Variants in TEAD1 observed in about 807,000 individuals in gnomAD.
TEAD1 encodes transcriptional enhancer factor TEF-1.
In TEAD1, 9 loss-of-function variants were observed where a neutral mutation model predicts 54.9. The ratio of observed to expected loss-of-function variants is 0.16; its 90% CI spans 0.10 to 0.29. The LOEUF (loss-of-function observed/expected upper bound fraction) is 0.29. TEAD1 is among the 10% of genes least tolerant of loss of function. The pLI, the probability that TEAD1 is intolerant of heterozygous loss-of-function variation, is 1.00. For synonymous variants in TEAD1, 200 were observed against 187.8 expected (o/e 1.07, Z -0.53); for missense variants, 387 against 535.9 (o/e 0.72, Z 2.74).
At chr11:12,842,441 C>T (rs935333315) in intron 3 of TEAD1, among the ~76,000 whole-genome samples, 3 of 152,166 alleles carry the variant, frequency 2.0e-5, no homozygotes, top group Non-Finnish European at 2.9e-5. Context: ...TCTGTTGCCA[C>T]GGAAACCACA....
At chr11:12,764,557 T>C in intron 3 of TEAD1, 123 bp downstream of exon 3, 4 of 1,198,012 alleles carry the variant, frequency 3.3e-6, no homozygotes, top group Non-Finnish European at 3.6e-6. Context: ...TTGTAGAATT[T>C]TAGTGGGTCA....
chr11:12,759,125 A>G (rs1225185243), intron 2 of TEAD1, among the ~76,000 whole-genome samples: 1 of 152,146 alleles, frequency 6.6e-6, no homozygotes, highest in Admixed American at 6.5e-5. Context: ...CTTTTACTTA[A>G]GAGCCTTTAA....
At chr11:12,904,238 AGAGTACACATT>A (rs1255308322) in intron 10 of TEAD1, among the ~76,000 whole-genome samples, 3 of 149,922 alleles carry the variant, frequency 2.0e-5, no homozygotes. Context: ...ATTACAACCT[AGAGTACACATT>A]GAAAGTGAAC....
intron 3 of TEAD1, among the ~76,000 whole-genome samples, chr11:12,793,399 T>C (rs1412637538): frequency 6.6e-6 from 1 of 152,218 alleles, no homozygotes; most frequent in Non-Finnish European, 1.5e-5. Context: ...GCTGGATATT[T>C]AGGTTTTTAA....
chr11:12,840,252 AAAAAAAAAAAG>A (rs57849755), intron 3 of TEAD1, among the ~76,000 whole-genome samples: 63,373 of 113,472 alleles, frequency 0.56, 18,573 homozygotes, highest in East Asian at 0.79. Flanking sequence ...GCCTCAAAAA[AAAAAAAAAAAG>A]AAAAAAAAAA....
chr11:12,690,099 G>A (rs1008046814), intron 2 of TEAD1, among the ~76,000 whole-genome samples: 20 of 151,858 alleles, frequency 1.3e-4, no homozygotes, highest in Non-Finnish European at 5.9e-5. Context: ...AAATTAGCCA[G>A]GCGTGGTGGC....
intron 7 of TEAD1, among the ~76,000 whole-genome samples, chr11:12,881,597 G>A (rs1010235713): frequency 6.6e-6 from 1 of 152,236 alleles, no homozygotes; most frequent in African/African-American, 2.4e-5. Context: ...ACTTTGCCTA[G>A]AAGTGGTGAC....
intron 9 of TEAD1, among the ~76,000 whole-genome samples, chr11:12,894,368 TG>T (rs1948265027): frequency 6.6e-6 from 1 of 152,130 alleles, no homozygotes; most frequent in Non-Finnish European, 1.5e-5. Flanking sequence ...AAGATTGAAC[TG>T]CCTTCATCAG....
chr11:12,899,279 G>A (rs1040764542), intron 9 of TEAD1, among the ~76,000 whole-genome samples: 2 of 124,884 alleles, frequency 1.6e-5, no homozygotes, highest in Admixed American at 1.8e-4. Flanking sequence ...TGGATGGACG[G>A]ATACATAGCC....
intron 2 of TEAD1, among the ~76,000 whole-genome samples, chr11:12,748,224 A>G (rs981090997): frequency 7.2e-5 from 11 of 152,310 alleles, no homozygotes; most frequent in African/African-American, 2.6e-4. Context: ...TGCCTCCCAA[A>G]GTGCTGGGAT....
chr11:12,777,713 T>C (rs1945459898), intron 3 of TEAD1, among the ~76,000 whole-genome samples: 2 of 152,254 alleles, frequency 1.3e-5, no homozygotes, highest in Admixed American at 1.3e-4. Flanking sequence ...TTGTATTTTC[T>C]GTCTCACAGC....
intron 2 of TEAD1, among the ~76,000 whole-genome samples, chr11:12,721,815 C>T (rs959153261): frequency 3.9e-5 from 6 of 152,206 alleles, no homozygotes; most frequent in Non-Finnish European, 1.5e-5. Context: ...ATACCCACTC[C>T]TCAAGCCCCC....
chr11:12,926,181 T>C (rs554554226), intron 11 of TEAD1, among the ~76,000 whole-genome samples: 43 of 152,268 alleles, frequency 2.8e-4, no homozygotes, highest in African/African-American at 9.6e-4. Context: ...ACAAAGACTT[T>C]GTGCTGAGGA....
intron 2 of TEAD1, among the ~76,000 whole-genome samples, chr11:12,741,621 C>T (rs74473603): frequency 0.026 from 4,032 of 152,260 alleles, 191 homozygotes; most frequent in African/African-American, 0.092. Context: ...TATTCATCTC[C>T]TCTTTCTGGT....
chr11:12,862,173 T>C, intron 3 of TEAD1, 77 bp from the exon 4 acceptor site: 1 of 1,157,418 alleles, frequency 8.6e-7, no homozygotes, highest in African/African-American at 1.5e-5. Flanking sequence ...ATTCTGAATT[T>C]TGTTTTTTGC....
intron 2 of TEAD1, among the ~76,000 whole-genome samples, chr11:12,733,249 C>T (rs1944459457): frequency 6.6e-6 from 1 of 152,200 alleles, no homozygotes; most frequent in Non-Finnish European, 1.5e-5. Context: ...AGGTAGAGGC[C>T]TGTTGAATTG....
chr11:12,738,661 G>T (rs1389104296), intron 2 of TEAD1, among the ~76,000 whole-genome samples: 1 of 152,228 alleles, frequency 6.6e-6, no homozygotes, highest in South Asian at 2.1e-4. Flanking sequence ...TCTGTAGTTG[G>T]ATGCTTTTCC....
At chr11:12,889,539 G>A (rs756646214) in intron 9 of TEAD1, among the ~76,000 whole-genome samples, 11 of 152,090 alleles carry the variant, frequency 7.2e-5, no homozygotes, top group Non-Finnish European at 1.2e-4. Context: ...TTACTCAGGC[G>A]GGAGTTACAC....
chr11:12,753,194 T>A (rs1296401552), intron 2 of TEAD1, among the ~76,000 whole-genome samples: 1 of 152,150 alleles, frequency 6.6e-6, no homozygotes, highest in East Asian at 1.9e-4. Flanking sequence ...TTTGGCTGTT[T>A]CTGTCTGTTA....
Sources: gnomAD v4.1 joint callset for allele counts (sites outside exome capture counted in the v4.1 genomes callset) on GRCh38, gnomAD v4.1.1 for gene constraint, MANE v1.5 for transcripts, NCBI Gene and HGNC (gene_info 2026-07-23, HGNC 2026-07-21) for gene names.